CNTNAP2: variants seen among roughly 807,000 people sequenced by gnomAD.
CNTNAP2 encodes the protein contactin-associated protein-like 2.
In CNTNAP2, 98 loss-of-function variants were observed where a neutral mutation model predicts 155.2. The observed-to-expected ratio is 0.63, with a 90% CI of 0.54 to 0.75. The LOEUF is 0.75. CNTNAP2 is among the 30% of genes least tolerant of loss of function. The probability of loss-of-function intolerance (pLI) is 0.00; values close to 1 mark genes in which losing one functional copy is unlikely to be tolerated. For synonymous variants in CNTNAP2, 651 were observed against 631.2 expected (o/e 1.03, Z -0.47); for missense variants, 1,727 against 1,688.1 (o/e 1.02, Z -0.40).
intron 1 of CNTNAP2, among the ~76,000 whole-genome samples, chr7:146,464,378 G>A (rs925936265): frequency 1.3e-5 from 2 of 151,898 alleles, no homozygotes; most frequent in African/African-American, 2.4e-5. Flanking sequence ...AGAAATCTAC[G>A]TAACAGATCA....
At chr7:146,615,832 C>T (rs1037467054) in intron 1 of CNTNAP2, among the ~76,000 whole-genome samples, 1 of 152,186 alleles carries the variant, frequency 6.6e-6, no homozygotes, top group African/African-American at 2.4e-5. Flanking sequence ...CAAAGATCTT[C>T]ATGTGCTACG....
intron 1 of CNTNAP2, among the ~76,000 whole-genome samples, chr7:146,513,898 C>T (rs1346209720): frequency 2.6e-5 from 4 of 151,856 alleles, no homozygotes; most frequent in East Asian, 1.9e-4. Flanking sequence ...CCTCAGCTTC[C>T]GTTTTCTGGG....
At chr7:147,393,776 G>T (rs538261782) in intron 9 of CNTNAP2, among the ~76,000 whole-genome samples, 19 of 151,560 alleles carry the variant, frequency 1.3e-4, no homozygotes, top group Non-Finnish European at 2.4e-4. Flanking sequence ...AGCCTTACAT[G>T]GATTTTTTTT....
At chr7:147,866,759 T>TG (rs1369003110) in intron 13 of CNTNAP2, among the ~76,000 whole-genome samples, 2 of 87,906 alleles carry the variant, frequency 2.3e-5, no homozygotes, top group Non-Finnish European at 5.0e-5. Context: ...TGTTTTTTTT[T>TG]TGTTTTTTGT....
At chr7:146,722,578 C>T (rs1015949374) in intron 1 of CNTNAP2, among the ~76,000 whole-genome samples, 2 of 152,122 alleles carry the variant, frequency 1.3e-5, no homozygotes, top group African/African-American at 4.8e-5. Flanking sequence ...CCAATGAAAA[C>T]TCCTTGGCCC....
chr7:147,470,222 C>T (rs1798192658), intron 10 of CNTNAP2, among the ~76,000 whole-genome samples: 1 of 152,132 alleles, frequency 6.6e-6, no homozygotes, highest in South Asian at 2.1e-4. Context: ...AAACACCAGC[C>T]GGGAAACCAC....
intron 8 of CNTNAP2, among the ~76,000 whole-genome samples, chr7:147,280,396 A>C (rs1161685058): frequency 6.6e-6 from 1 of 151,890 alleles, no homozygotes; most frequent in Non-Finnish European, 1.5e-5. Flanking sequence ...GGACGAAAAA[A>C]TCTCTCGTAG....
At chr7:147,005,297 A>G (rs542908926) in intron 3 of CNTNAP2, among the ~76,000 whole-genome samples, 1 of 152,134 alleles carries the variant, frequency 6.6e-6, no homozygotes, top group East Asian at 1.9e-4. Flanking sequence ...AATCTCACAG[A>G]TATTCCTAGG....
chr7:146,584,506 C>T (rs1414374468), intron 1 of CNTNAP2, among the ~76,000 whole-genome samples: 1 of 152,212 alleles, frequency 6.6e-6, no homozygotes, highest in Non-Finnish European at 1.5e-5. Context: ...AGTCCACTTT[C>T]CTTTCCACAG....
At chr7:147,975,292 T>G (rs1016713666) in intron 14 of CNTNAP2, among the ~76,000 whole-genome samples, 1 of 152,060 alleles carries the variant, frequency 6.6e-6, no homozygotes, top group Non-Finnish European at 1.5e-5. Context: ...TATGGTTACT[T>G]CTGATGGAGT....
intron 15 of CNTNAP2, among the ~76,000 whole-genome samples, chr7:148,045,860 A>C (rs562651601): frequency 1.3e-5 from 2 of 152,348 alleles, no homozygotes; most frequent in South Asian, 4.1e-4. Flanking sequence ...AGACACATCA[A>C]AAAATGGTAA....
chr7:148,228,824 T>G (rs1795905815), intron 19 of CNTNAP2, among the ~76,000 whole-genome samples: 1 of 30,110 alleles, frequency 3.3e-5, no homozygotes, highest in African/African-American at 1.0e-4. Flanking sequence ...CGAGACTCTG[T>G]TTCAAAAAAA....
chr7:147,856,113 G>A (rs900510155), intron 13 of CNTNAP2, among the ~76,000 whole-genome samples: 1 of 152,058 alleles, frequency 6.6e-6, no homozygotes, highest in Non-Finnish European at 1.5e-5. Flanking sequence ...CTAACCCAAC[G>A]CAGAAACAGG....
At chr7:147,668,161 T>C (rs1358097316) in intron 13 of CNTNAP2, among the ~76,000 whole-genome samples, 1 of 151,902 alleles carries the variant, frequency 6.6e-6, no homozygotes, top group Non-Finnish European at 1.5e-5. Context: ...AAAAGGAAAC[T>C]GCAGGAGAAG....
chr7:146,187,804 C>T (rs1426783401), intron 1 of CNTNAP2, among the ~76,000 whole-genome samples: 1 of 152,078 alleles, frequency 6.6e-6, no homozygotes, highest in African/African-American at 2.4e-5. Context: ...TTCTGCCTTC[C>T]TTTGACAAAT....
chr7:148,118,619 A>G (rs1351108801), intron 16 of CNTNAP2, among the ~76,000 whole-genome samples: 1 of 152,178 alleles, frequency 6.6e-6, no homozygotes, highest in Non-Finnish European at 1.5e-5. Context: ...AGGGTCAAAA[A>G]TAGGTGAGGG....
At chr7:146,836,729 A>T (rs1803625052) in intron 2 of CNTNAP2, among the ~76,000 whole-genome samples, 1 of 152,216 alleles carries the variant, frequency 6.6e-6, no homozygotes, top group Admixed American at 6.5e-5. Context: ...TCATTTCGTC[A>T]TGTAAATATG....
chr7:147,437,761 T>C (rs1366569298), intron 10 of CNTNAP2, among the ~76,000 whole-genome samples: 1 of 152,190 alleles, frequency 6.6e-6, no homozygotes, highest in Non-Finnish European at 1.5e-5. Context: ...AGAATTGCAT[T>C]GAATCTGTAG....
intron 1 of CNTNAP2, among the ~76,000 whole-genome samples, chr7:146,405,783 A>G (rs1242141294): frequency 6.6e-6 from 1 of 152,222 alleles, no homozygotes; most frequent in Non-Finnish European, 1.5e-5. Flanking sequence ...ATTTAGCTAT[A>G]AGATATACAA....
Sources: allele counts gnomAD v4.1 joint callset (sites outside exome capture counted in the v4.1 genomes callset), GRCh38; gene constraint gnomAD v4.1.1; transcripts MANE v1.5; gene names NCBI Gene and HGNC (gene_info 2026-07-23, HGNC 2026-07-21).